Variants in KLHL29 observed in about 807,000 individuals in gnomAD.
KLHL29 encodes kelch-like protein 29.
KLHL29 carries 21 observed loss-of-function variants against 80.4 expected under a neutral mutation model. The ratio of observed to expected loss-of-function variants is 0.26; its 90% CI spans 0.19 to 0.38. The LOEUF (loss-of-function observed/expected upper bound fraction) is 0.38. KLHL29 is among the 10% of genes least tolerant of loss of function. KLHL29 has a pLI of 1.00. For synonymous variants in KLHL29, 511 were observed against 526.8 expected (o/e 0.97, Z 0.41); for missense variants, 867 against 1,223.9 (o/e 0.71, Z 4.35).
At chr2:23,673,444 CTG>C (rs1670826998) in intron 5 of KLHL29, among the ~76,000 whole-genome samples, 1 of 139,918 alleles carries the variant, frequency 7.1e-6, no homozygotes, top group Non-Finnish European at 1.6e-5. Flanking sequence ...ACACCACATG[CTG>C]TCTCTCTCAC....
At chr2:23,484,256 T>C (rs1375560100) in intron 2 of KLHL29, among the ~76,000 whole-genome samples, 2 of 152,148 alleles carry the variant, frequency 1.3e-5, no homozygotes, top group Non-Finnish European at 2.9e-5. Flanking sequence ...GTAATCAGGC[T>C]GGTTGTGAAG....
intron 3 of KLHL29, among the ~76,000 whole-genome samples, chr2:23,584,800 G>T (rs1558397791): frequency 6.6e-6 from 1 of 152,152 alleles, no homozygotes; most frequent in East Asian, 1.9e-4. Context: ...GCAATAACAC[G>T]ATTTCAGCTC....
intron 1 of KLHL29, among the ~76,000 whole-genome samples, chr2:23,411,379 T>TTGTG (rs56103621): frequency 0.27 from 29,368 of 108,730 alleles, 4,343 homozygotes; most frequent in South Asian, 0.34. Flanking sequence ...GTTGCAAAAA[T>TTGTG]TGTGTGTGTG....
At chr2:23,494,568 C>A (rs887873051) in intron 2 of KLHL29, among the ~76,000 whole-genome samples, 1 of 152,192 alleles carries the variant, frequency 6.6e-6, no homozygotes, top group South Asian at 2.1e-4. Context: ...CCATCAGGCA[C>A]GTTTCCAAGA....
intron 3 of KLHL29, among the ~76,000 whole-genome samples, chr2:23,635,565 G>C (rs1669586731): frequency 6.6e-6 from 1 of 152,246 alleles, no homozygotes; most frequent in Non-Finnish European, 1.5e-5. Context: ...GAAAGAAGCA[G>C]GATGCTGTCA....
chr2:23,416,375 A>G (rs961792926), intron 1 of KLHL29, among the ~76,000 whole-genome samples: 1 of 152,152 alleles, frequency 6.6e-6, no homozygotes, highest in African/African-American at 2.4e-5. Context: ...AATGGACAGG[A>G]CAGGCTGTGT....
intron 2 of KLHL29, among the ~76,000 whole-genome samples, chr2:23,513,330 T>A (rs1459996982): frequency 6.6e-6 from 1 of 152,224 alleles, no homozygotes; most frequent in Non-Finnish European, 1.5e-5. Context: ...GAAGCAGAGA[T>A]GCCTCTTTCT....
Position 23,527,534 on chromosome 2 carries a change from T to G in KLHL29, c.-45-34618T>G, listed in dbSNP as rs556101653. 1.4e-4 allele frequency among the ~76,000 whole-genome samples: 22 copies of G among 152,128 alleles called. 1 individual carries two copies. The South Asian group carries it at 4.6e-3, about 32-fold the overall frequency. ...CTGCTTAGAAAGCTGTGAGCAGAAC[T>G]TAGAGGCTGTGAGCAGAACTTAGAG... is the stretch of plus-strand genomic sequence containing the variant. On this transcript the variant is annotated intron_variant, in intron 2 of 13. Transcript: ENST00000486442.
intron 1 of KLHL29, among the ~76,000 whole-genome samples, chr2:23,443,166 T>C (rs549726401): frequency 1.6e-4 from 25 of 152,354 alleles, no homozygotes; most frequent in African/African-American, 6.0e-4. Flanking sequence ...TTATTAATAT[T>C]CTGCCATATT....
At chr2:23,648,216 C>A (rs1476753765) in intron 5 of KLHL29, among the ~76,000 whole-genome samples, 1 of 152,160 alleles carries the variant, frequency 6.6e-6, no homozygotes, top group East Asian at 1.9e-4. Flanking sequence ...CATACAGGCT[C>A]TGGAACTCTG....
At chr2:23,686,634 A>G (rs754162037) in intron 6 of KLHL29, among the ~76,000 whole-genome samples, 2 of 152,140 alleles carry the variant, frequency 1.3e-5, no homozygotes, top group African/African-American at 2.4e-5. Context: ...GAGCAGGTCC[A>G]CAGGCCAGTG....
At chr2:23,452,013 T>G (rs968425247) in intron 1 of KLHL29, among the ~76,000 whole-genome samples, 1 of 151,958 alleles carries the variant, frequency 6.6e-6, no homozygotes, top group East Asian at 1.9e-4. Context: ...GGTGCCACTC[T>G]TATTTTTATT....
intron 1 of KLHL29, among the ~76,000 whole-genome samples, chr2:23,392,398 A>G (rs545670073): frequency 1.3e-5 from 2 of 152,368 alleles, no homozygotes; most frequent in Admixed American, 1.3e-4. Context: ...TTGATGTGTG[A>G]ACTTTTAATT....
chr2:23,571,374 A>T (rs1667713261), intron 3 of KLHL29, among the ~76,000 whole-genome samples: 1 of 152,150 alleles, frequency 6.6e-6, no homozygotes, highest in Admixed American at 6.5e-5. Flanking sequence ...TGTAGTGGGC[A>T]TTGCTGCCCA....
intron 3 of KLHL29, among the ~76,000 whole-genome samples, chr2:23,565,888 C>T (rs1027315551): frequency 2.6e-5 from 4 of 152,200 alleles, no homozygotes; most frequent in Non-Finnish European, 5.9e-5. Context: ...CTTAGTGTCC[C>T]CTCTTGGCTA....
chr2:23,391,890 G>A lies in KLHL29; in HGVS notation c.-154+6110G>A, dbSNP rs141276451. Among the ~76,000 whole-genome samples, 22 of 152,352 alleles carry A rather than the reference G, an allele frequency of 1.4e-4. No individual in the cohort carries two copies. In the East Asian group the frequency reaches 3.1e-3, roughly 21 times the overall value. On this transcript the variant is annotated intron_variant, in intron 1 of 13. Coordinates refer to ENST00000486442, the MANE Select transcript of KLHL29 (RefSeq NM_052920.2). ...TTTCTGTGTATGCATTTCCTCCCGAGTGTCTCTGATCTCATGCTTTCCTTG... is the reference window on the plus strand; with the variant it reads ...TTTCTGTGTATGCATTTCCTCCCGAATGTCTCTGATCTCATGCTTTCCTTG...
At chr2:23,487,781 T>A (rs745675541) in intron 2 of KLHL29, among the ~76,000 whole-genome samples, 1 of 152,224 alleles carries the variant, frequency 6.6e-6, no homozygotes, top group Non-Finnish European at 1.5e-5. Context: ...CTGTTTTTTC[T>A]TCTCAGGGAA....
chr2:23,484,392 C>G (rs557778126), intron 2 of KLHL29, among the ~76,000 whole-genome samples: 1 of 152,146 alleles, frequency 6.6e-6, no homozygotes, highest in South Asian at 2.1e-4. Context: ...GTGTCTGGCT[C>G]GTAAGGTAGC....
chr2:23,431,907 A>C (rs1253312949), intron 1 of KLHL29, among the ~76,000 whole-genome samples: 2 of 151,274 alleles, frequency 1.3e-5, no homozygotes, highest in African/African-American at 4.9e-5. Context: ...ATCTCAAAAA[A>C]AAAAAAAAAA....
Sources: gnomAD v4.1 joint callset for allele counts (sites outside exome capture counted in the v4.1 genomes callset) on GRCh38, gnomAD v4.1.1 for gene constraint, MANE v1.5 for transcripts, NCBI Gene and HGNC (gene_info 2026-07-23, HGNC 2026-07-21) for gene names.